The following DCTN5 variants were observed in gnomAD, a reference collection of about 807,000 sequenced individuals.
DCTN5 encodes the protein dynactin subunit 5.
Under a neutral mutation model 23.5 loss-of-function variants are expected in DCTN5, and 14 were observed. The observed-to-expected ratio is 0.60, with a 90% CI of 0.39 to 0.93. DCTN5 has a LOEUF of 0.93. DCTN5 is among the 40% of genes least tolerant of loss of function. The probability of loss-of-function intolerance (pLI) is 0.00; values close to 1 mark genes in which losing one functional copy is unlikely to be tolerated. For missense variants in DCTN5, 156 were observed against 225.9 expected (o/e 0.69, Z 1.98); for synonymous variants, 67 against 79.6 (o/e 0.84, Z 0.84).
At chr16:23,642,838 G>T (rs974537380) in intron 1 of DCTN5, 117 bp from the exon 2 acceptor site, 13 of 840,360 alleles carry the variant, frequency 1.5e-5, no homozygotes, top group Middle Eastern at 2.2e-4. Flanking sequence ...TCACTCCATT[G>T]TGGACAGCAC....
chr16:23,662,059 A>G (rs58196686), intron 4 of DCTN5, among the ~76,000 whole-genome samples: 1,649 of 152,070 alleles, frequency 0.011, 27 homozygotes, highest in African/African-American at 0.038. Flanking sequence ...CTTAAAAAAA[A>G]AAAAAACCCA....
At chr16:23,648,293 T>G (rs1967513375) in intron 2 of DCTN5, among the ~76,000 whole-genome samples, 1 of 151,702 alleles carries the variant, frequency 6.6e-6, no homozygotes, top group Non-Finnish European at 1.5e-5. Context: ...CCCAAGTAGC[T>G]TATGCTACGG....
chr16:23,641,514 T>C lies in DCTN5; in HGVS notation c.-29T>C. ...GACTGACCGACTGACTCTGACAGGA[T>C]CCGGGGCTGAGGGAAGGAGGCGGCG... On this transcript the variant is annotated 5_prime_UTR_variant, in exon 1 of 6. Transcript: ENST00000300087. The C allele has an allele frequency of 1.2e-6, 2 of 1,613,920 alleles. No individual in the cohort carries two copies. Among genetic ancestry groups the C allele is most frequent in the Non-Finnish European group, 1.7e-6 (2 of 1,179,922 alleles).
At position 23,669,635 on chromosome 16, in the gene DCTN5, C is replaced by G. The variant is rs1367650749; in HGVS notation, c.*2491C>G. ...AGGGACGAATGGGTGCTGGGCAGGA[C>G]AAAGCATCAGCTGTCCAGTTCAGGC... is the stretch of plus-strand genomic sequence containing the variant. On this transcript the variant is annotated 3_prime_UTR_variant, in exon 6 of 6. Coordinates refer to ENST00000300087, the MANE Select transcript of DCTN5 (RefSeq NM_032486.4). The G allele has an allele frequency of 6.6e-6, 1 of 152,550 alleles. No individual in the cohort carries two copies. The highest frequency in any genetic ancestry group is 2.4e-5 in the African/African-American group (1 of 41,408). 9.4% of individuals were successfully genotyped at this position (152,550 alleles called of 1,614,324 possible).
chr16:23,676,062 C>T lies in DCTN5; in HGVS notation c.*8918C>T. 1 of 152,304 alleles carries T rather than the reference C, an allele frequency of 6.6e-6. No individual in the cohort carries two copies. The highest frequency in any genetic ancestry group is 1.5e-5 in the Non-Finnish European group (1 of 68,102). The allele number at this position is 152,304 out of a possible 1,614,324, so 9.4% of individuals were successfully genotyped here. ...TTTGTTTACAGGGGTACCACCTGTG[C>T]CCCTGGGACTGTGCTTCTGTACATG... On this transcript the variant is annotated 3_prime_UTR_variant, in exon 6 of 6. Coordinates refer to ENST00000300087, the MANE Select transcript of DCTN5 (RefSeq NM_032486.4).
chr16:23,648,913 A>C (rs1967536908), intron 2 of DCTN5, among the ~76,000 whole-genome samples: 2 of 152,004 alleles, frequency 1.3e-5, no homozygotes, highest in South Asian at 4.1e-4. Context: ...GCTGGAGTGC[A>C]GTGGCGTGAT....
chr16:23,656,931 A>C lies in DCTN5; in HGVS notation c.118-1576A>C, dbSNP rs933101696. Among the ~76,000 whole-genome samples the C allele has an allele frequency of 2.6e-5, 4 of 151,600 alleles. No homozygotes were observed. The East Asian group carries it at 7.8e-4, about 29-fold the overall frequency. On this transcript the variant is annotated intron_variant, in intron 2 of 5. Coordinates refer to ENST00000300087, the MANE Select transcript of DCTN5 (RefSeq NM_032486.4). ...GCTTGAGCCTGGGAGGCGGGGTTGC[A>C]GTGAGCCAAGATCATGCCACTGCAC...
rs1555462995 is a variant in DCTN5 at position 23,645,137 on chromosome 16, A to ATATATT, written c.117+2115_117+2116insATATTT. Among the ~76,000 whole-genome samples, 16 of 30,790 alleles carry ATATATT rather than the reference A, an allele frequency of 5.2e-4. 1 individual carries two copies. The South Asian group carries it at 0.012, about 22-fold the overall frequency. 20.2% of individuals were successfully genotyped at this position (30,790 alleles called of 152,430 possible). Reference sequence around the variant, plus strand: ...TATATATATATATATATATATATATATTTTTTTTTTTTTTAATACGCAGTT... The same window carrying ATATATT: ...TATATATATATATATATATATATATATATATTTTTTTTTTTTTTTTAATACGCAGTT... On this transcript the variant is annotated intron_variant, in intron 2 of 5. Transcript: ENST00000300087.
At chr16:23,658,404 G>C (rs1375166006) in intron 2 of DCTN5, 103 bp from the exon 3 acceptor site, 1 of 789,526 alleles carries the variant, frequency 1.3e-6, no homozygotes, top group African/African-American at 1.7e-5. Context: ...TTCTGTCAGA[G>C]TGGATTGTAA....
At chr16:23,648,344 C>CTTTTTTTTTTTTTTTTTTTTTT (rs960786045) in intron 2 of DCTN5, among the ~76,000 whole-genome samples, 1 of 105,524 alleles carries the variant, frequency 9.5e-6, no homozygotes, top group Non-Finnish European at 2.0e-5. Context: ...TTTCTTTTTT[C>CTTTTTTTTTTTTTTTTTTTTTT]TTTTTTTTTT....
At chr16:23,643,074 A>G (rs374046641) in intron 2 of DCTN5, 51 bp downstream of exon 2, 20 of 1,453,952 alleles carry the variant, frequency 1.4e-5, no homozygotes, top group Non-Finnish European at 1.8e-5. Flanking sequence ...GCGTTCTGCT[A>G]ATTGTCACCA....
At position 23,665,714 on chromosome 16, in the gene DCTN5, T is replaced by C. The variant is rs773067755; in HGVS notation, c.437T>C (p.Phe146Ser). Residue 146 changes from phenylalanine (F) to serine (S), a missense_variant, in exon 5 of 6, where the codon TTC (phenylalanine) becomes TCC (serine). Around this residue, in one of 2 missense-constraint regions of DCTN5, gnomAD observed 153 missense variants for 206.8 expected, o/e 0.74. Transcript: ENST00000300087. ...ACTGTGGTTCCACCATTCACTGTCT[T>C]CTCAGGCTGCCCAGGTAACCTTGGC... ...PETVVPPFTV[F>S]SGCPGLFSGE... The C allele has an allele frequency of 2.5e-6, 4 of 1,613,818 alleles. No individual in the cohort carries two copies. Among genetic ancestry groups the C allele is most frequent in the Non-Finnish European group, 8.5e-7 (1 of 1,179,882 alleles).
rs1967409925 is a variant in DCTN5 at position 23,645,108 on chromosome 16, T to TATATATATAC, written c.117+2094_117+2095insCATATATATA. 8.6e-5 allele frequency among the ~76,000 whole-genome samples: 3 copies of TATATATATAC among 34,696 alleles called. No individual in the cohort carries two copies. The South Asian group carries it at 2.7e-3, about 31-fold the overall frequency. 22.8% of individuals were successfully genotyped at this position (34,696 alleles called of 152,430 possible). Reference sequence around the variant, plus strand: ...CTATATATATATATATATATATATATATATATATATATATATATATATATA... The same window carrying TATATATATAC: ...CTATATATATATATATATATATATATATATATATACATATATATATATATATATATATATA... On this transcript the variant is annotated intron_variant, in intron 2 of 5. Coordinates refer to ENST00000300087, the MANE Select transcript of DCTN5 (RefSeq NM_032486.4).
In DCTN5 at chr16:23,668,689, G is replaced by C. The variant is rs1269456459; in HGVS notation, c.*1545G>C. 6.6e-6 allele frequency: 1 copy of C among 152,234 alleles called. No homozygotes were observed. The highest frequency in any genetic ancestry group is 1.5e-5 in the Non-Finnish European group (1 of 68,060). 9.4% of individuals were successfully genotyped at this position (152,234 alleles called of 1,614,324 possible). A position where few individuals can be genotyped will look rare whatever the true frequency, so the allele number is the denominator to read the frequency against. On this transcript the variant is annotated 3_prime_UTR_variant, in exon 6 of 6. Transcript: ENST00000300087. ...GGAGACAACAAGCAGACTCAACCAGGCCTCTTTGTTGGCTTCCTTTCCTCC... is the reference window on the plus strand; with the variant it reads ...GGAGACAACAAGCAGACTCAACCAGCCCTCTTTGTTGGCTTCCTTTCCTCC...
At chr16:23,660,244 A>G (rs1411280689) in intron 3 of DCTN5, among the ~76,000 whole-genome samples, 1 of 152,246 alleles carries the variant, frequency 6.6e-6, no homozygotes, top group African/African-American at 2.4e-5. Flanking sequence ...GACAGGTATC[A>G]TCTCTGAAAA....
At chr16:23,664,203 G>A (rs916327015) in intron 4 of DCTN5, among the ~76,000 whole-genome samples, 1 of 152,184 alleles carries the variant, frequency 6.6e-6, no homozygotes, top group Non-Finnish European at 1.5e-5. Context: ...GAAGAACGAA[G>A]AACTATAGTC....
intron 2 of DCTN5, 28 bp downstream of exon 2, chr16:23,643,051 C>A: frequency 6.2e-7 from 1 of 1,602,470 alleles, no homozygotes; most frequent in Non-Finnish European, 8.6e-7. Flanking sequence ...CTCCAGGCTG[C>A]AAACCTTAGC....
At chr16:23,642,790 G>A (rs1239038022) in intron 1 of DCTN5, 165 bp from the exon 2 acceptor site, 4 of 618,822 alleles carry the variant, frequency 6.5e-6, no homozygotes, top group Non-Finnish European at 8.7e-6. Context: ...CTCAGCCATA[G>A]TTTCCTAATC....
In DCTN5 at chr16:23,668,540, T is replaced by A. The variant is rs1417330387; in HGVS notation, c.*1396T>A. 6.6e-6 allele frequency: 1 copy of A among 152,254 alleles called. No homozygotes were observed. The highest frequency in any genetic ancestry group is 2.4e-5 in the African/African-American group (1 of 41,458). 9.4% of individuals were successfully genotyped at this position (152,254 alleles called of 1,614,324 possible). On this transcript the variant is annotated 3_prime_UTR_variant, in exon 6 of 6. Coordinates refer to ENST00000300087, the MANE Select transcript of DCTN5 (RefSeq NM_032486.4). ...TGTCATCAGGCACCCAGGTTCCTACTGTCTTGCCATGTGGCCACAGTTAGC... is the reference window on the plus strand; with the variant it reads ...TGTCATCAGGCACCCAGGTTCCTACAGTCTTGCCATGTGGCCACAGTTAGC...
Sources: allele counts gnomAD v4.1 joint callset (sites outside exome capture counted in the v4.1 genomes callset), GRCh38; gene constraint gnomAD v4.1.1; regional missense constraint gnomAD v4.1.1; transcripts MANE v1.5; gene names NCBI Gene and HGNC (gene_info 2026-07-23, HGNC 2026-07-21).